GCH1: variants seen among roughly 807,000 people sequenced by gnomAD.
GCH1 encodes the protein GTP cyclohydrolase 1, also known as GTP cyclohydrolase I.
GCH1 carries 5 observed loss-of-function variants against 25.9 expected under a neutral mutation model. That is an observed-to-expected ratio of 0.19 (90% CI 0.10 to 0.41). The LOEUF is 0.41. Among genes scored for constraint, GCH1 ranks in the 10% least tolerant of loss-of-function variants. The pLI is 1.00. For missense variants in GCH1, 261 were observed against 336.5 expected, an observed-to-expected ratio of 0.78 and a Z score of 1.75; for synonymous variants, 159 against 129.6, an observed-to-expected ratio of 1.23 and a Z score of -1.54.
At chr14:54,893,052 C>G (rs1177586745) in intron 1 of GCH1, among the ~76,000 whole-genome samples, 1 of 152,212 alleles carries the variant, frequency 6.6e-6, no homozygotes, top group African/African-American at 2.4e-5. Flanking sequence ...GCACTCCAGC[C>G]TGGGTGACAG....
chr14:54,851,806 A>G (rs552014864), intron 3 of GCH1, among the ~76,000 whole-genome samples: 45 of 152,330 alleles, frequency 3.0e-4, no homozygotes, highest in Non-Finnish European at 4.1e-4. Context: ...ATTGTGGAAG[A>G]CGGTGTGGCG....
chr14:54,898,825 G>C (rs374121985), intron 1 of GCH1, among the ~76,000 whole-genome samples: 15 of 152,226 alleles, frequency 9.9e-5, no homozygotes, highest in African/African-American at 3.4e-4. Context: ...TCAACATGTT[G>C]GCCAGGCTGG....
intron 1 of GCH1, among the ~76,000 whole-genome samples, chr14:54,881,914 T>C (rs1475133390): frequency 6.6e-6 from 1 of 152,206 alleles, no homozygotes; most frequent in Non-Finnish European, 1.5e-5. Flanking sequence ...GCCAACCCAG[T>C]ACTGATGAGC....
intron 5 of GCH1, among the ~76,000 whole-genome samples, chr14:54,845,205 C>A (rs559354234): frequency 6.6e-6 from 1 of 151,424 alleles, no homozygotes; most frequent in African/African-American, 2.4e-5. Flanking sequence ...TTGAGCTGGG[C>A]GCAGGGGCTC....
chr14:54,865,245 T>C, intron 2 of GCH1, 82 bp downstream of exon 2: 1 of 706,022 alleles, frequency 1.4e-6, no homozygotes, highest in Non-Finnish European at 2.5e-6. Context: ...AATTGGCAGC[T>C]AAAAATTTTA....
intron 2 of GCH1, among the ~76,000 whole-genome samples, chr14:54,864,197 C>G (rs780663922): frequency 2.0e-5 from 3 of 151,940 alleles, no homozygotes; most frequent in Admixed American, 2.0e-4. Context: ...GTAAGGAACA[C>G]CCTTAAGTTT....
At chr14:54,887,931 AT>A (rs1435244290) in intron 1 of GCH1, among the ~76,000 whole-genome samples, 1 of 152,206 alleles carries the variant, frequency 6.6e-6, no homozygotes, top group African/African-American at 2.4e-5. Context: ...TTTTTTCGGT[AT>A]TACTATTCTA....
intron 1 of GCH1, among the ~76,000 whole-genome samples, chr14:54,867,230 C>G (rs539045043): frequency 2.0e-5 from 3 of 152,164 alleles, no homozygotes; most frequent in African/African-American, 4.8e-5. Flanking sequence ...CGTCCCCATC[C>G]TAAGCTCTGA....
intron 3 of GCH1, among the ~76,000 whole-genome samples, chr14:54,857,912 G>T (rs1248389477): frequency 6.6e-6 from 1 of 152,208 alleles, no homozygotes; most frequent in Non-Finnish European, 1.5e-5. Flanking sequence ...CCTTATTCCA[G>T]TGAAGCAATT....
chr14:54,876,890 T>C (rs2040169914), intron 1 of GCH1, among the ~76,000 whole-genome samples: 1 of 152,182 alleles, frequency 6.6e-6, no homozygotes, highest in Non-Finnish European at 1.5e-5. Context: ...AAGGGAAGCA[T>C]CTTTGAATAT....
intron 3 of GCH1, among the ~76,000 whole-genome samples, chr14:54,856,920 T>C (rs1245512742): frequency 6.6e-6 from 1 of 152,218 alleles, no homozygotes; most frequent in East Asian, 1.9e-4. Flanking sequence ...CTGCTTGATA[T>C]TTGACTTCAC....
chr14:54,890,565 C>T (rs925331081), intron 1 of GCH1, among the ~76,000 whole-genome samples: 1 of 152,160 alleles, frequency 6.6e-6, no homozygotes, highest in Non-Finnish European at 1.5e-5. Context: ...GGTTAAAATT[C>T]ATTACAAGGG....
intron 1 of GCH1, chr14:54,885,080 T>A: frequency 3.2e-6 from 1 of 311,066 alleles, no homozygotes; most frequent in Non-Finnish European, 6.4e-6. Context: ...GTCAGCTGCA[T>A]TTGTTGTCAT....
At chr14:54,888,879 A>G (rs1215345050) in intron 1 of GCH1, among the ~76,000 whole-genome samples, 1 of 152,126 alleles carries the variant, frequency 6.6e-6, no homozygotes, top group Non-Finnish European at 1.5e-5. Context: ...AGTGAACAGA[A>G]TTTCCAACAT....
At position 54,872,102 on chromosome 14, in the gene GCH1, G is replaced by T. The variant is rs1181983401; in HGVS notation, c.344-6666C>A. On this transcript the variant is annotated intron_variant, in intron 1 of 5. Transcript: ENST00000491895. ...ATGTTAAGGGCAGCCAGAGAGAAAG[G>T]TCAGGTTACCCACAAAGGGAAGCCC... 9.2e-5 allele frequency among the ~76,000 whole-genome samples: 14 copies of T among 152,262 alleles called. No homozygotes were observed. In the East Asian group the frequency reaches 2.7e-3, roughly 29 times the overall value.
In GCH1 at chr14:54,843,463, T is replaced by C; in HGVS notation, c.*554A>G. The C allele has an allele frequency of 8.1e-7, 1 of 1,240,320 alleles. No homozygotes were observed. The highest frequency in any genetic ancestry group is 4.0e-5 in the Admixed American group (1 of 24,794). The allele number at this position is 1,240,320 out of a possible 1,614,324, so 76.8% of individuals were successfully genotyped here. A position where few individuals can be genotyped will look rare whatever the true frequency, so the allele number is the denominator to read the frequency against. ...TCAAAAACATAGACATTCCACCACC[T>C]TCCCTTGGTGACTAACATTACGACT... On this transcript the variant is annotated 3_prime_UTR_variant, in exon 6 of 6. Coordinates refer to ENST00000491895, the MANE Select transcript of GCH1 (RefSeq NM_000161.3).
chr14:54,847,985 A>G (rs1425229965), intron 3 of GCH1, among the ~76,000 whole-genome samples: 1 of 152,166 alleles, frequency 6.6e-6, no homozygotes, highest in Non-Finnish European at 1.5e-5. Context: ...AACTAAACCT[A>G]TTAGGAGAAT....
In GCH1 at chr14:54,875,049, A is replaced by G. The variant is rs549573290; in HGVS notation, c.344-9613T>C. 7.2e-4 allele frequency among the ~76,000 whole-genome samples: 110 copies of G among 152,368 alleles called. 1 individual carries two copies. Among genetic ancestry groups the G allele is most frequent in the African/African-American group, 2.5e-3 (104 of 41,582 alleles). On this transcript the variant is annotated intron_variant, in intron 1 of 5. Transcript: ENST00000491895. ...AAGCCAAAAGAACAAAGCTGGAGGC[A>G]TCACGCTACCTGACTTCAAACTATA...
intron 1 of GCH1, among the ~76,000 whole-genome samples, chr14:54,870,173 A>G (rs2040049115): frequency 6.6e-6 from 1 of 152,116 alleles, no homozygotes; most frequent in Non-Finnish European, 1.5e-5. Context: ...TTTACATAAG[A>G]TAAGTGACAC....
Sources: gnomAD v4.1 joint callset for allele counts (sites outside exome capture counted in the v4.1 genomes callset) on GRCh38, gnomAD v4.1.1 for gene constraint, MANE v1.5 for transcripts, NCBI Gene and HGNC (gene_info 2026-07-23, HGNC 2026-07-21) for gene names.